Variants in MCC observed in about 807,000 individuals in gnomAD.
The protein encoded by MCC is MCC regulator of Wnt signaling pathway.
Under a neutral mutation model 116.2 loss-of-function variants are expected in MCC, and 90 were observed. That is an observed-to-expected ratio of 0.77 (90% CI 0.65 to 0.92). The LOEUF is 0.92. Among genes scored for constraint, MCC ranks in the 40% least tolerant of loss-of-function variants. The pLI is 0.00. For missense variants in MCC, 1,516 were observed against 1,312.2 expected (o/e 1.16, Z -2.40); for synonymous variants, 578 against 510.5 (o/e 1.13, Z -1.78).
At chr5:113,288,128 G>A (rs1766332978) in intron 3 of MCC, among the ~76,000 whole-genome samples, 1 of 152,186 alleles carries the variant, frequency 6.6e-6, no homozygotes, top group African/African-American at 2.4e-5. Flanking sequence ...GTCATGTTCA[G>A]CATGTGCTTC....
intron 3 of MCC, among the ~76,000 whole-genome samples, chr5:113,202,695 G>C (rs1324346971): frequency 1.3e-5 from 2 of 150,736 alleles, no homozygotes; most frequent in African/African-American, 2.4e-5. Flanking sequence ...CAGTTTATCA[G>C]ACTTTATGAC....
intron 1 of MCC, among the ~76,000 whole-genome samples, chr5:113,390,592 A>G (rs561801119): frequency 1.3e-5 from 2 of 152,354 alleles, no homozygotes; most frequent in Non-Finnish European, 2.9e-5. Flanking sequence ...GAAATTGAGT[A>G]TGAAGTGAAA....
Position 113,156,633 on chromosome 5 carries a change from G to A in MCC, c.628-5211C>T, listed in dbSNP as rs554901067. ...TTAGTTCTCTGTGAAATTTTAACAT[G>A]AGGCCTAAACGAGGTTGGATAGAAC... On this transcript the variant is annotated intron_variant, in intron 3 of 18. Coordinates refer to ENST00000408903, the MANE Select transcript of MCC (RefSeq NM_001085377.2). Among the ~76,000 whole-genome samples the A allele has an allele frequency of 2.6e-5, 4 of 152,310 alleles. 1 individual carries two copies. The highest frequency in any genetic ancestry group is 1.9e-4 in the East Asian group (1 of 5,186).
At chr5:113,428,802 C>T (rs1770547464) in intron 1 of MCC, 1 of 152,212 alleles carries the variant, frequency 6.6e-6, no homozygotes, top group Non-Finnish European at 1.5e-5. Context: ...CAACTAAACA[C>T]AGTTGGACTT....
chr5:113,207,229 G>T (rs1762949220), intron 3 of MCC, among the ~76,000 whole-genome samples: 1 of 152,192 alleles, frequency 6.6e-6, no homozygotes, highest in South Asian at 2.1e-4. Flanking sequence ...TTATGCAACG[G>T]TGGGCAAATC....
intron 3 of MCC, among the ~76,000 whole-genome samples, chr5:113,232,595 C>A (rs1224838743): frequency 6.6e-6 from 1 of 152,130 alleles, no homozygotes; most frequent in African/African-American, 2.4e-5. Flanking sequence ...CAGATTAATG[C>A]ATAATTATAC....
chr5:113,261,564 T>A (rs1765219559), intron 3 of MCC, among the ~76,000 whole-genome samples: 1 of 152,122 alleles, frequency 6.6e-6, no homozygotes, highest in Non-Finnish European at 1.5e-5. Flanking sequence ...GGAGAAGAAT[T>A]TACAAATACA....
chr5:113,328,378 C>G (rs113137560), intron 3 of MCC, among the ~76,000 whole-genome samples: 6,484 of 152,234 alleles, frequency 0.043, 441 homozygotes, highest in African/African-American at 0.15. Context: ...ATGACAGAGA[C>G]TATTACCTAA....
intron 3 of MCC, among the ~76,000 whole-genome samples, chr5:113,217,863 G>C (rs967429728): frequency 1.3e-5 from 2 of 152,028 alleles, no homozygotes; most frequent in African/African-American, 4.8e-5. Context: ...AGGTCAGAAA[G>C]GACATGAGCA....
chr5:113,212,440 C>T (rs974860134), intron 3 of MCC, among the ~76,000 whole-genome samples: 3 of 152,070 alleles, frequency 2.0e-5, no homozygotes, highest in Non-Finnish European at 4.4e-5. Context: ...TCTTGGAAAG[C>T]ATTCAACTAC....
chr5:113,324,493 G>A (rs1005295802), intron 3 of MCC, among the ~76,000 whole-genome samples: 1 of 152,112 alleles, frequency 6.6e-6, no homozygotes, highest in Non-Finnish European at 1.5e-5. Context: ...ATGTTGGTGA[G>A]TATCCTTCCA....
chr5:113,036,521 C>G (rs1751341243), intron 17 of MCC, among the ~76,000 whole-genome samples: 1 of 152,206 alleles, frequency 6.6e-6, no homozygotes, highest in African/African-American at 2.4e-5. Flanking sequence ...AACTAAGGCT[C>G]AAGTGTCCCC....
At chr5:113,074,050 G>A (rs896986019) in intron 11 of MCC, among the ~76,000 whole-genome samples, 2 of 152,242 alleles carry the variant, frequency 1.3e-5, no homozygotes, top group African/African-American at 4.8e-5. Flanking sequence ...CCACCATGCA[G>A]TTTGAGCTCT....
chr5:113,369,116 T>C (rs1269125606), intron 2 of MCC, among the ~76,000 whole-genome samples: 1 of 149,874 alleles, frequency 6.7e-6, no homozygotes, highest in East Asian at 1.9e-4. Context: ...ATCCAGTCCT[T>C]TTTTTTTTAA....
At chr5:113,298,064 C>T (rs1315030171) in intron 3 of MCC, among the ~76,000 whole-genome samples, 1 of 151,954 alleles carries the variant, frequency 6.6e-6, no homozygotes, top group Non-Finnish European at 1.5e-5. Context: ...GATGGAGGTT[C>T]GAGGTTATCT....
intron 1 of MCC, among the ~76,000 whole-genome samples, chr5:113,460,657 G>C (rs1771719116): frequency 6.6e-6 from 1 of 152,198 alleles, no homozygotes; most frequent in Admixed American, 6.5e-5. Context: ...TGCTCACAGA[G>C]TTCAAAAGAG....
chr5:113,184,172 G>C (rs888884155), intron 3 of MCC, among the ~76,000 whole-genome samples: 1 of 152,104 alleles, frequency 6.6e-6, no homozygotes, highest in African/African-American at 2.4e-5. Flanking sequence ...TGCATTTGTT[G>C]AGACGGATTT....
At chr5:113,047,301 C>T (rs1388033763) in intron 16 of MCC, among the ~76,000 whole-genome samples, 1 of 152,236 alleles carries the variant, frequency 6.6e-6, no homozygotes, top group Non-Finnish European at 1.5e-5. Flanking sequence ...AGAGCTGCCT[C>T]TAGCACCCTG....
intron 3 of MCC, among the ~76,000 whole-genome samples, chr5:113,167,659 G>T (rs1371016785): frequency 3.9e-5 from 6 of 151,988 alleles, no homozygotes; most frequent in Admixed American, 3.3e-4. Context: ...TTGAGACAGG[G>T]TCTCTCTGTC....
Sources: gnomAD v4.1 joint callset for allele counts (sites outside exome capture counted in the v4.1 genomes callset) on GRCh38, gnomAD v4.1.1 for gene constraint, MANE v1.5 for transcripts, NCBI Gene and HGNC (gene_info 2026-07-23, HGNC 2026-07-21) for gene names.